MTMR3: variants seen among roughly 807,000 people sequenced by gnomAD.
MTMR3 encodes the protein myotubularin related protein 3.
A neutral mutation model predicts 132.4 loss-of-function variants in MTMR3; 32 were observed. The ratio of observed to expected loss-of-function variants is 0.24; its 90% confidence interval spans 0.18 to 0.32. MTMR3 has a LOEUF of 0.32. Ranked by LOEUF, MTMR3 falls within the 10% of genes least tolerant of loss-of-function variation. The pLI, the probability that MTMR3 is intolerant of heterozygous loss-of-function variation, is 1.00. For synonymous variants in MTMR3, 556 were observed against 550.3 expected (o/e 1.01, Z -0.14); for missense variants, 1,216 against 1,489.6 (o/e 0.82, Z 3.02).
chr22:29,988,426 C>A, intron 5 of MTMR3, 54 bp from the exon 6 acceptor site: 1 of 1,378,178 alleles, frequency 7.3e-7, no homozygotes, highest in Non-Finnish European at 1.0e-6. Context: ...CATTGAAGAA[C>A]TCCAGGGTCA....
intron 8 of MTMR3, chr22:29,999,084 A>T: frequency 3.3e-6 from 1 of 306,346 alleles, no homozygotes; most frequent in Non-Finnish European, 6.0e-6. Context: ...CTTCCCTTTT[A>T]CCCCCTCTAG....
chr22:29,901,083 A>G (rs2064995202), intron 1 of MTMR3, among the ~76,000 whole-genome samples: 2 of 152,064 alleles, frequency 1.3e-5, no homozygotes, highest in Non-Finnish European at 2.9e-5. Flanking sequence ...TCTGTTAGAG[A>G]GTTTTTGAAG....
intron 5 of MTMR3, chr22:29,985,282 C>G (rs2066834250): frequency 6.6e-6 from 1 of 152,098 alleles, no homozygotes; most frequent in Non-Finnish European, 1.5e-5. Context: ...GGTGGATCAC[C>G]TGAGGTCAGG....
chr22:29,947,334 G>C (rs1569018682), intron 1 of MTMR3, among the ~76,000 whole-genome samples: 1 of 151,940 alleles, frequency 6.6e-6, no homozygotes, highest in Non-Finnish European at 1.5e-5. Flanking sequence ...TTATTTGTCT[G>C]TGTGGATTGT....
intron 2 of MTMR3, among the ~76,000 whole-genome samples, chr22:29,968,810 T>G (rs1212086393): frequency 1.3e-5 from 2 of 152,206 alleles, no homozygotes; most frequent in African/African-American, 4.8e-5. Flanking sequence ...AATGAGATAA[T>G]TTTACATTAG....
intron 1 of MTMR3, among the ~76,000 whole-genome samples, chr22:29,914,202 C>T (rs895755095): frequency 2.0e-5 from 3 of 152,134 alleles, no homozygotes; most frequent in African/African-American, 4.8e-5. Context: ...AAGTAACGGC[C>T]TATTTTGCAT....
chr22:29,982,837 T>C (rs1329152674), intron 5 of MTMR3: 1 of 152,154 alleles, frequency 6.6e-6, no homozygotes, highest in African/African-American at 2.4e-5. Flanking sequence ...TATTCTGTGC[T>C]TTTCCCAAAT....
intron 14 of MTMR3, 184 bp downstream of exon 14, chr22:30,013,725 T>C (rs1322768689): frequency 5.2e-6 from 3 of 572,194 alleles, no homozygotes; most frequent in Non-Finnish European, 8.7e-6. Context: ...AATCCAGGTA[T>C]ACCAGGTTTG....
intron 1 of MTMR3, among the ~76,000 whole-genome samples, chr22:29,948,723 T>A (rs2065997716): frequency 6.6e-6 from 1 of 151,658 alleles, no homozygotes; most frequent in Non-Finnish European, 1.5e-5. Context: ...CATATTAGAA[T>A]AAGCAGTGTA....
At chr22:30,000,888 G>A (rs1269781961) in intron 8 of MTMR3, 1 of 152,150 alleles carries the variant, frequency 6.6e-6, no homozygotes, top group Non-Finnish European at 1.5e-5. Context: ...ACTACTGGGA[G>A]TGTAGTACCT....
chr22:29,966,810 T>A (rs1189074023), intron 2 of MTMR3, among the ~76,000 whole-genome samples: 1 of 151,544 alleles, frequency 6.6e-6, no homozygotes, highest in African/African-American at 2.4e-5. Flanking sequence ...AATGTTTCTT[T>A]ATGAACTCAT....
At position 30,007,808 on chromosome 22, in the gene MTMR3, TTTTGTGCCATAA is replaced by T. The variant is rs564321019; in HGVS notation, c.878-92_878-81del. ...AGGGGATTTCATTTTATTGAGCCTT[TTTTGTGCCATAA>T]GATGTGCTTGTGGGTCTAATTCTGC... is the stretch of plus-strand genomic sequence containing the variant. On this transcript the variant is annotated intron_variant, in intron 10 of 19. Transcript: ENST00000401950. 5.1e-5 allele frequency: 75 copies of T among 1,460,292 alleles called. No homozygotes were observed. In the African/African-American group the frequency reaches 9.1e-4, roughly 18 times the overall value. The allele number at this position is 1,460,292 out of a possible 1,614,324, so 90.5% of individuals were successfully genotyped here.
At chr22:30,023,194 C>T in intron 19 of MTMR3, 1 of 513,932 alleles carries the variant, frequency 1.9e-6, no homozygotes, top group Non-Finnish European at 3.5e-6. Flanking sequence ...CTTCTTTTTC[C>T]TTCTGGGTTA....
intron 14 of MTMR3, chr22:30,015,562 T>C (rs2067568879): frequency 6.7e-6 from 1 of 148,250 alleles, no homozygotes; most frequent in African/African-American, 2.5e-5. Context: ...AGCTCTGCTT[T>C]CGCAATCTAT....
In MTMR3 at chr22:30,017,949, T is replaced by G; in HGVS notation, c.1697T>G (p.Val566Gly). The G allele has an allele frequency of 6.2e-7, 1 of 1,613,798 alleles. No homozygotes were observed. ...CAGGTGCTGTACCCTGTGTGCCATGTGCGTAACCTGATGCTGTGGAGTGCA... is the reference window on the plus strand; with the variant it reads ...CAGGTGCTGTACCCTGTGTGCCATGGGCGTAACCTGATGCTGTGGAGTGCA... ...SEAVLYPVCH[V>G]RNLMLWSAVY... is the part of the protein sequence containing the mutation. The change falls in exon 16 of 20, where the codon GTG (valine) becomes GGG (glycine). Residue 566 changes from valine (V) to glycine (G), a missense_variant. Coordinates refer to ENST00000401950, the MANE Select transcript of MTMR3 (RefSeq NM_021090.4).
At chr22:29,995,102 C>G (rs1342215695) in intron 7 of MTMR3, 1 of 152,308 alleles carries the variant, frequency 6.6e-6, no homozygotes, top group Non-Finnish European at 1.5e-5. Context: ...GCCTACCTCT[C>G]TAACCTCTCT....
At chr22:30,023,623 G>C (rs1490127465) in intron 19 of MTMR3, 66 of 1,042,318 alleles carry the variant, frequency 6.3e-5, no homozygotes, top group Non-Finnish European at 9.7e-5. Flanking sequence ...AGGTGGGCTT[G>C]AGGGGATTCA....
At chr22:29,904,429 G>A (rs1022709662) in intron 1 of MTMR3, among the ~76,000 whole-genome samples, 10 of 152,186 alleles carry the variant, frequency 6.6e-5, no homozygotes, top group African/African-American at 1.9e-4. Flanking sequence ...GTTCACTGTC[G>A]TGAATAAGAG....
chr22:30,005,934 C>CT (rs1225503011), intron 9 of MTMR3: 1 of 152,152 alleles, frequency 6.6e-6, no homozygotes, highest in African/African-American at 2.4e-5. Flanking sequence ...GGCAAGCTCC[C>CT]TTAAGTAACT....
Sources: allele counts gnomAD v4.1 joint callset (sites outside exome capture counted in the v4.1 genomes callset), GRCh38; gene constraint gnomAD v4.1.1; transcripts MANE v1.5; gene names NCBI Gene and HGNC (gene_info 2026-07-23, HGNC 2026-07-21).